SUPT3H: variants seen among roughly 807,000 people sequenced by gnomAD.
The protein encoded by SUPT3H is transcription initiation protein SPT3 homolog.
In SUPT3H, 44 loss-of-function variants were observed where a neutral mutation model predicts 44.3. The ratio of observed to expected loss-of-function variants is 0.99; its 90% CI spans 0.78 to 1.28. SUPT3H has a LOEUF of 1.28. SUPT3H is among the 50% of genes most tolerant of loss of function. The probability of loss-of-function intolerance (pLI) is 0.00; values close to 1 mark genes in which losing one functional copy is unlikely to be tolerated. For synonymous variants in SUPT3H, 124 were observed against 125.6 expected, an observed-to-expected ratio of 0.99 and a Z score of 0.09; for missense variants, 380 against 387.1, an observed-to-expected ratio of 0.98 and a Z score of 0.15.
rs529898723 is a variant in SUPT3H, at chr6:45,293,514, A to G, written c.101+71687T>C. Among the ~76,000 whole-genome samples the G allele has an allele frequency of 2.7e-4, 37 of 138,082 alleles. 1 individual carries two copies. Among genetic ancestry groups the G allele is most frequent in the Non-Finnish European group, 5.5e-4 (33 of 59,544 alleles). The allele number at this position is 138,082 out of a possible 152,430, so 90.6% of individuals were successfully genotyped here. A position where few individuals can be genotyped will look rare whatever the true frequency, so the allele number is the denominator to read the frequency against. The stretch of plus-strand genomic sequence containing the variant: ...GAGCAGAACTAAACGAAACTGAAAC[A>G]ATCAAAAAAAAAATACAAAAGATAA... On this transcript the variant is annotated intron_variant, in intron 2 of 10. Coordinates refer to ENST00000371459, the MANE Select transcript of SUPT3H (RefSeq NM_003599.4).
At chr6:45,047,403 A>G (rs185275527) in intron 3 of SUPT3H, among the ~76,000 whole-genome samples, 77 of 152,294 alleles carry the variant, frequency 5.1e-4, no homozygotes, top group Non-Finnish European at 8.5e-4. Context: ...AAGTAAGAAT[A>G]TTAGGGTTGT....
intron 3 of SUPT3H, among the ~76,000 whole-genome samples, chr6:45,061,754 C>T (rs1030906285): frequency 3.3e-5 from 5 of 151,892 alleles, no homozygotes; most frequent in African/African-American, 1.2e-4. Flanking sequence ...CAATATCAGA[C>T]TAATATTTTA....
At chr6:44,981,862 A>C (rs1461411006) in intron 6 of SUPT3H, among the ~76,000 whole-genome samples, 1 of 133,884 alleles carries the variant, frequency 7.5e-6, no homozygotes, top group Non-Finnish European at 1.6e-5. Flanking sequence ...CCATCTCTAC[A>C]TGACATGAAA....
At chr6:45,210,457 G>A (rs1189707211) in intron 2 of SUPT3H, among the ~76,000 whole-genome samples, 1 of 152,108 alleles carries the variant, frequency 6.6e-6, no homozygotes, top group East Asian at 1.9e-4. Flanking sequence ...AAGGCTAAGA[G>A]GCTCAAAAGA....
chr6:44,954,738 A>C (rs866371753), intron 7 of SUPT3H, 131 bp from the exon 8 acceptor site: 3 of 625,802 alleles, frequency 4.8e-6, no homozygotes, highest in Non-Finnish European at 8.4e-6. Flanking sequence ...AAAATGCATA[A>C]TTAATGTCTA....
chr6:44,913,127 G>A (rs1767309111), intron 10 of SUPT3H, among the ~76,000 whole-genome samples: 1 of 152,128 alleles, frequency 6.6e-6, no homozygotes, highest in African/African-American at 2.4e-5. Flanking sequence ...AGATGGGAGA[G>A]GGGATTTCTT....
intron 6 of SUPT3H, among the ~76,000 whole-genome samples, chr6:44,966,638 A>G (rs569153774): frequency 1.6e-4 from 24 of 152,136 alleles, no homozygotes; most frequent in Non-Finnish European, 2.6e-4. Context: ...AACAGTTACT[A>G]TTCTAGATCA....
At position 45,194,867 on chromosome 6, in the gene SUPT3H, T is replaced by C. The variant is rs535235523; in HGVS notation, c.102-88861A>G. 1.6e-4 allele frequency among the ~76,000 whole-genome samples: 24 copies of C among 152,240 alleles called. No homozygotes were observed. The South Asian group carries it at 5.0e-3, about 32-fold the overall frequency. On this transcript the variant is annotated intron_variant, in intron 2 of 10. Coordinates refer to ENST00000371459, the MANE Select transcript of SUPT3H (RefSeq NM_003599.4). ...ATCTCAGAATGCTTAGCAATTTTAT[T>C]CCAAAAGAAGCTGACTACTATACTT...
At chr6:45,186,779 A>G (rs965659111) in intron 2 of SUPT3H, among the ~76,000 whole-genome samples, 3 of 152,220 alleles carry the variant, frequency 2.0e-5, no homozygotes, top group Admixed American at 6.5e-5. Flanking sequence ...GAAGCAAGTC[A>G]TAAGATCCTC....
At chr6:45,111,295 TGCTATGATTATAG>T (rs1324098829) in intron 2 of SUPT3H, among the ~76,000 whole-genome samples, 1 of 152,134 alleles carries the variant, frequency 6.6e-6, no homozygotes, top group Non-Finnish European at 1.5e-5. Flanking sequence ...CCTCCCAAAG[TGCTATGATTATAG>T]GCTTGATCCA....
intron 5 of SUPT3H, among the ~76,000 whole-genome samples, chr6:45,008,387 G>A (rs1002739048): frequency 4.6e-5 from 7 of 152,184 alleles, no homozygotes; most frequent in African/African-American, 1.7e-4. Context: ...ATAGGGTCTC[G>A]CTCTGTTGCC....
intron 3 of SUPT3H, among the ~76,000 whole-genome samples, chr6:45,101,168 G>GT (rs772831351): frequency 7.9e-5 from 12 of 152,358 alleles, no homozygotes; most frequent in Non-Finnish European, 1.8e-4. Flanking sequence ...GCTCACGCCT[G>GT]TAATCCCAGC....
At chr6:45,315,635 T>C (rs1022196733) in intron 2 of SUPT3H, among the ~76,000 whole-genome samples, 1 of 152,164 alleles carries the variant, frequency 6.6e-6, no homozygotes, top group Admixed American at 6.5e-5. Flanking sequence ...CAGTAGATGT[T>C]GGCATGGATG....
intron 2 of SUPT3H, among the ~76,000 whole-genome samples, chr6:45,246,351 A>C (rs1771339909): frequency 6.6e-6 from 1 of 152,128 alleles, no homozygotes; most frequent in Non-Finnish European, 1.5e-5. Context: ...GCCAAATTCA[A>C]TGTCTTGAAG....
At chr6:44,990,261 T>C (rs1007999238) in intron 6 of SUPT3H, among the ~76,000 whole-genome samples, 12 of 152,166 alleles carry the variant, frequency 7.9e-5, no homozygotes, top group South Asian at 4.1e-4. Flanking sequence ...TTGTGCATTC[T>C]TGACACCTTT....
chr6:45,108,872 AAG>A (rs1799662170), intron 2 of SUPT3H, among the ~76,000 whole-genome samples: 2 of 152,154 alleles, frequency 1.3e-5, no homozygotes, highest in Non-Finnish European at 2.9e-5. Context: ...AGTATTGGAA[AAG>A]AGAAAACTAC....
At chr6:44,858,068 C>T (rs1774034698) in intron 10 of SUPT3H, among the ~76,000 whole-genome samples, 1 of 152,152 alleles carries the variant, frequency 6.6e-6, no homozygotes, top group African/African-American at 2.4e-5. Context: ...ATCATTAAGA[C>T]AAAATCAGGC....
rs771617674 is a variant in SUPT3H, at chr6:44,961,794, G to A, written c.539C>T (p.Ala180Val). 5 of 1,604,690 alleles carry A rather than the reference G, an allele frequency of 3.1e-6. No homozygotes were observed. In the East Asian group the frequency reaches 9.0e-5, roughly 29 times the overall value. The stretch of plus-strand genomic sequence containing the variant: ...ACTTTCACAGAATTCTGCATATTGA[G>A]CTGAATCCATAATTCGAGTTTGTCT... Reference protein sequence around the residue: ...AERQTRIMDSAQYAEFCESRQ... With the variant: ...AERQTRIMDSVQYAEFCESRQ... The change falls in exon 7 of 11, where the codon GCT becomes GTT. Residue 180 changes from alanine (A) to valine (V), a missense_variant. Physicochemically the swap from Ala to Val is moderately conservative, Grantham distance 64. Coordinates refer to ENST00000371459, the MANE Select transcript of SUPT3H (RefSeq NM_003599.4).
At chr6:45,250,373 T>A (rs373326057) in intron 2 of SUPT3H, among the ~76,000 whole-genome samples, 4 of 88,004 alleles carry the variant, frequency 4.5e-5, no homozygotes, top group Admixed American at 2.1e-4. Flanking sequence ...AATAAAAAAA[T>A]AAAACAATAA....
Sources: allele counts gnomAD v4.1 joint callset (sites outside exome capture counted in the v4.1 genomes callset), GRCh38; gene constraint gnomAD v4.1.1; transcripts MANE v1.5; gene names NCBI Gene and HGNC (gene_info 2026-07-23, HGNC 2026-07-21).